SYT12: variants seen among roughly 807,000 people sequenced by gnomAD.
SYT12 encodes synaptotagmin 12, also known as synaptotagmin-12.
A neutral mutation model predicts 39.5 loss-of-function variants in SYT12; 27 were observed. That is an observed-to-expected ratio of 0.68 (90% CI 0.50 to 0.94). The LOEUF (loss-of-function observed/expected upper bound fraction) is 0.94. SYT12 is among the 40% of genes least tolerant of loss of function. The pLI is 0.00. For missense variants in SYT12, 536 were observed against 572.6 expected (o/e 0.94, Z 0.65); for synonymous variants, 233 against 239.7 (o/e 0.97, Z 0.26).
upstream of SYT12, among the ~76,000 whole-genome samples, chr11:67,019,675 A>G (rs189514809): frequency 1.2e-4 from 19 of 152,182 alleles, no homozygotes; most frequent in Non-Finnish European, 2.8e-4. Flanking sequence ...GGAGGGGGGA[A>G]TCACTTGAGC....
intron 1 of SYT12, among the ~76,000 whole-genome samples, chr11:67,025,723 G>C (rs894295918): frequency 6.6e-6 from 1 of 152,292 alleles, no homozygotes; most frequent in South Asian, 2.1e-4. Flanking sequence ...TTGCGGCTTG[G>C]TCTGAGCTTC....
At chr11:67,017,822 T>C (rs1337461842) in intron 3 of SYT12, among the ~76,000 whole-genome samples, 1 of 146,868 alleles carries the variant, frequency 6.8e-6, no homozygotes, top group Non-Finnish European at 1.5e-5. Context: ...TAGCTGGGTG[T>C]GTTGGCAGGC....
chr11:67,021,327 T>A (rs1341045115), upstream of SYT12, among the ~76,000 whole-genome samples: 1 of 152,142 alleles, frequency 6.6e-6, no homozygotes, highest in South Asian at 2.1e-4. Context: ...ACTTTGCTTT[T>A]TTTTTTTGTT....
At chr11:67,020,095 C>T (rs189538253), upstream of SYT12, among the ~76,000 whole-genome samples, 219 of 152,240 alleles carry the variant, frequency 1.4e-3, 2 homozygotes, top group African/African-American at 5.1e-3. Flanking sequence ...GTGCACTGCT[C>T]TTCAGGAACT....
rs61891298 is a variant in SYT12 at position 67,031,062 on chromosome 11, A to T, written c.34+884A>T. 955 of 152,426 alleles carry T rather than the reference A, an allele frequency of 6.3e-3. 7 individuals carry two copies. Among genetic ancestry groups the T allele is most frequent in the Non-Finnish European group, 8.8e-3 (600 of 68,142 alleles). 9.4% of individuals were successfully genotyped at this position (152,426 alleles called of 1,614,324 possible). A position where few individuals can be genotyped will look rare whatever the true frequency, so the allele number is the denominator to read the frequency against. On this transcript the variant is annotated intron_variant, in intron 2 of 7. Transcript: ENST00000527043. ...ACCTTTCCCATCACTTTTTCCCAAA[A>T]GTGAGCCAGGGAGCCGCACTTTTCA... is the stretch of plus-strand genomic sequence containing the variant.
chr11:67,039,258 G>A lies in SYT12; in HGVS notation c.229-553G>A, dbSNP rs181801642. Among the ~76,000 whole-genome samples the A allele has an allele frequency of 2.4e-4, 36 of 148,768 alleles. 1 individual carries two copies. The highest frequency in any genetic ancestry group is 1.9e-3 in the Admixed American group (28 of 14,928). ...GGGGAGGTTGCAGTGAATGGAGATCGAGCCACTGCACTCCAGCCTGGTGAC... is the reference window on the plus strand; with the variant it reads ...GGGGAGGTTGCAGTGAATGGAGATCAAGCCACTGCACTCCAGCCTGGTGAC... On this transcript the variant is annotated intron_variant, in intron 3 of 7. Transcript: ENST00000527043.
At chr11:67,034,879 C>G in intron 3 of SYT12, 41 bp downstream of exon 3, 1 of 1,436,966 alleles carries the variant, frequency 7.0e-7, no homozygotes. Context: ...GAGTGCAACC[C>G]CATGCCCCTA....
Position 67,035,650 on chromosome 11 carries a change from G to A in SYT12, c.228+812G>A, listed in dbSNP as rs1950347965. On this transcript the variant is annotated intron_variant, in intron 3 of 7. Coordinates refer to ENST00000527043, the MANE Select transcript of SYT12 (RefSeq NM_177963.4). ...TTTTTTGTATTTTTAGTAGAGACGG[G>A]GTTTCACCATGTTAGCCAGGATGGT... 3.3e-5 allele frequency among the ~76,000 whole-genome samples: 5 copies of A among 150,950 alleles called. No individual in the cohort carries two copies. The South Asian group carries it at 1.0e-3, about 31-fold the overall frequency.
At chr11:67,048,462 A>G (rs1854636694) in intron 7 of SYT12, 122 bp from the exon 8 acceptor site, 1 of 1,016,840 alleles carries the variant, frequency 9.8e-7, no homozygotes, top group African/African-American at 1.6e-5. Flanking sequence ...ATCAGAGGTG[A>G]GGATTCAGGG....
At chr11:67,008,199 C>G (rs1484717104) in intron 1 of SYT12, among the ~76,000 whole-genome samples, 1 of 152,224 alleles carries the variant, frequency 6.6e-6, no homozygotes, top group Non-Finnish European at 1.5e-5. Context: ...CGTGATCCGC[C>G]TGCCTCAGCA....
chr11:67,017,688 A>G (rs1373335879), intron 3 of SYT12, among the ~76,000 whole-genome samples: 1 of 147,844 alleles, frequency 6.8e-6, no homozygotes, highest in Non-Finnish European at 1.5e-5. Context: ...GGCCAGGCGC[A>G]GTGGCTGACA....
At chr11:67,018,922 C>T (rs1018411194), upstream of SYT12, among the ~76,000 whole-genome samples, 6 of 152,170 alleles carry the variant, frequency 3.9e-5, no homozygotes, top group African/African-American at 9.6e-5. Flanking sequence ...TGAGCTGAGC[C>T]GGGGCCTGGA....
At chr11:67,021,268 C>T (rs545725935), upstream of SYT12, among the ~76,000 whole-genome samples, 3 of 152,200 alleles carry the variant, frequency 2.0e-5, no homozygotes, top group East Asian at 1.9e-4. Flanking sequence ...AGCTCACTCC[C>T]GCCCCTGCAT....
Position 67,048,867 on chromosome 11 carries a change from CTGGCA to C in SYT12, c.*111_*115del. On this transcript the variant is annotated 3_prime_UTR_variant, in exon 8 of 8. Coordinates refer to ENST00000527043, the MANE Select transcript of SYT12 (RefSeq NM_177963.4). Reference sequence around the variant, plus strand: ...CTGGAGCCGTGAACACTGGGGTCCCCTGGCAGAGTCCTCATGACCCATCCTGGTCT... The same window carrying C: ...CTGGAGCCGTGAACACTGGGGTCCCCGAGTCCTCATGACCCATCCTGGTCT... The C allele has an allele frequency of 7.8e-7, 1 of 1,276,834 alleles. No individual in the cohort carries two copies. The highest frequency in any genetic ancestry group is 1.1e-6 in the Non-Finnish European group (1 of 932,522). 79.1% of individuals were successfully genotyped at this position (1,276,834 alleles called of 1,614,324 possible). A position where few individuals can be genotyped will look rare whatever the true frequency, so the allele number is the denominator to read the frequency against.
intron 1 of SYT12, among the ~76,000 whole-genome samples, chr11:67,009,542 A>G (rs917660731): frequency 6.6e-6 from 1 of 152,098 alleles, no homozygotes; most frequent in Non-Finnish European, 1.5e-5. Flanking sequence ...TCCACCCACC[A>G]CAGCCTCCGA....
At chr11:67,021,639 G>T (rs1361101206), upstream of SYT12, among the ~76,000 whole-genome samples, 1 of 152,060 alleles carries the variant, frequency 6.6e-6, no homozygotes, top group Non-Finnish European at 1.5e-5. Context: ...CCCCTTTTAT[G>T]CCCTGATGAT....
In SYT12 at chr11:67,015,815, A is replaced by G. The variant is rs189641665; in HGVS notation, c.-69+4821A>G. On this transcript the variant is annotated intron_variant, in intron 3 of 10. Transcript: ENST00000393946. ...TCCTTCACGTTCATAGCCAGAAGCC[A>G]TGTGAGTGCAGGAGGGTCCACAGCC... 2.0e-4 allele frequency among the ~76,000 whole-genome samples: 31 copies of G among 152,276 alleles called. 1 individual carries two copies. The highest frequency in any genetic ancestry group is 1.0e-3 in the South Asian group (5 of 4,824).
At chr11:67,013,608 A>G (rs1270865339) in intron 3 of SYT12, among the ~76,000 whole-genome samples, 1 of 152,122 alleles carries the variant, frequency 6.6e-6, no homozygotes, top group East Asian at 1.9e-4. Flanking sequence ...GGATCCCACC[A>G]GCCAGTTACC....
chr11:67,022,297 C>T (rs1254791528), upstream of SYT12, among the ~76,000 whole-genome samples: 2 of 151,846 alleles, frequency 1.3e-5, no homozygotes, highest in East Asian at 3.9e-4. Context: ...GCCACCCTTG[C>T]ACACTTGCTC....
Sources: gnomAD v4.1 joint callset for allele counts (sites outside exome capture counted in the v4.1 genomes callset) on GRCh38, gnomAD v4.1.1 for gene constraint, MANE v1.5 for transcripts, NCBI Gene and HGNC (gene_info 2026-07-23, HGNC 2026-07-21) for gene names.